PKD1L3: variants seen among roughly 807,000 people sequenced by gnomAD.
PKD1L3 encodes the protein polycystin 1 like 3, transient receptor potential channel interacting.
In PKD1L3, 239 loss-of-function variants were observed where a neutral mutation model predicts 184.1. The ratio of observed to expected loss-of-function variants is 1.30; its 90% CI spans 1.17 to 1.45. The LOEUF (loss-of-function observed/expected upper bound fraction) is 1.45. PKD1L3 is among the 40% of genes most tolerant of loss of function. PKD1L3 has a pLI of 0.00. For missense variants in PKD1L3, 2,660 were observed against 2,067.2 expected, an observed-to-expected ratio of 1.29 and a Z score of -5.56; for synonymous variants, 996 against 778.8, an observed-to-expected ratio of 1.28 and a Z score of -4.64.
intron 4 of PKD1L3, among the ~76,000 whole-genome samples, chr16:71,988,617 CTTTG>C (rs1159379791): frequency 6.6e-6 from 1 of 152,178 alleles, no homozygotes; most frequent in Non-Finnish European, 1.5e-5. Context: ...AGTCAAAAGC[CTTTG>C]TTGTCTTCTC....
intron 4 of PKD1L3, among the ~76,000 whole-genome samples, chr16:71,989,109 G>C (rs1023444539): frequency 1.3e-5 from 2 of 152,166 alleles, no homozygotes; most frequent in Non-Finnish European, 1.5e-5. Context: ...AAGGGCTAGT[G>C]GTTGTTGCTC....
intron 7 of PKD1L3, 138 bp downstream of exon 7, chr16:71,981,921 A>T (rs2143751832): frequency 1.1e-6 from 1 of 945,018 alleles, no homozygotes; most frequent in Non-Finnish European, 1.5e-6. Flanking sequence ...TGGAGAAGGC[A>T]TGGCAGAGGA....
intron 4 of PKD1L3, among the ~76,000 whole-genome samples, chr16:71,988,418 A>G (rs2040458471): frequency 6.6e-6 from 1 of 152,194 alleles, no homozygotes; most frequent in African/African-American, 2.4e-5. Context: ...TGGCCTCGAA[A>G]TCCTGGCCTC....
At chr16:71,935,570 C>G (rs748375944) in intron 25 of PKD1L3, 52 bp from the exon 26 acceptor site, 14 of 1,511,414 alleles carry the variant, frequency 9.3e-6, no homozygotes, top group Admixed American at 8.1e-5. Context: ...TTAGCTAGGT[C>G]TCTCCCTGCT....
rs148622199 is a variant in PKD1L3, at chr16:71,937,534, C to T, written c.4325-115G>A. On this transcript the variant is annotated intron_variant, in intron 24 of 29. Transcript: ENST00000620267. ...CCTGTATCATCAAATGTTTCTGAGTCTCAGTGCTCCACTTAGTATTTCCTT... is the reference window on the plus strand; with the variant it reads ...CCTGTATCATCAAATGTTTCTGAGTTTCAGTGCTCCACTTAGTATTTCCTT... The T allele has an allele frequency of 6.2e-5, 70 of 1,135,466 alleles. No homozygotes were observed. The East Asian group carries it at 1.1e-3, about 19-fold the overall frequency. The allele number at this position is 1,135,466 out of a possible 1,614,324, so 70.3% of individuals were successfully genotyped here. A position where few individuals can be genotyped will look rare whatever the true frequency, so the allele number is the denominator to read the frequency against.
At chr16:71,947,151 G>A (rs549242532) in intron 22 of PKD1L3, among the ~76,000 whole-genome samples, 3 of 152,110 alleles carry the variant, frequency 2.0e-5, no homozygotes, top group South Asian at 2.1e-4. Context: ...CCAGCTACTC[G>A]GAGGCTGAGA....
At chr16:71,976,292 G>T (rs1332383200) in intron 11 of PKD1L3, among the ~76,000 whole-genome samples, 1 of 18,010 alleles carries the variant, frequency 5.6e-5, no homozygotes, top group African/African-American at 1.9e-4. Context: ...AGACAGTCTT[G>T]CTCTGTAGCC....
At chr16:71,950,363 A>C in intron 19 of PKD1L3, 53 bp from the exon 20 acceptor site, 1 of 1,413,576 alleles carries the variant, frequency 7.1e-7, no homozygotes, top group Non-Finnish European at 9.6e-7. Flanking sequence ...AATAAGAAGC[A>C]ATTAGTGGTA....
At chr16:71,951,147 C>A (rs541383349) in intron 19 of PKD1L3, among the ~76,000 whole-genome samples, 3 of 152,020 alleles carry the variant, frequency 2.0e-5, no homozygotes, top group Non-Finnish European at 4.4e-5. Flanking sequence ...TCAAGCAATT[C>A]TCCTGCCTCA....
In PKD1L3 at chr16:71,950,103, G is replaced by C. The variant is rs1000672769; in HGVS notation, c.3383+15C>G. 3.2e-6 allele frequency: 5 copies of C among 1,549,934 alleles called. No homozygotes were observed. Among genetic ancestry groups the C allele is most frequent in the South Asian group, 1.2e-5 (1 of 83,970 alleles). The stretch of plus-strand genomic sequence containing the variant: ...AGATTACAGGGGATAAAGAAGGCTT[G>C]GTGTGGTGCATTACCTGGATGGCTC... On this transcript the variant is annotated intron_variant, in intron 20 of 29. Coordinates refer to ENST00000620267, the MANE Select transcript of PKD1L3 (RefSeq NM_181536.2).
rs934340611 is a variant in PKD1L3, at chr16:71,951,624, C to G, written c.3130G>C (p.Val1044Leu). Residue 1044 changes from valine to leucine, a missense_variant, in exon 19 of 30, where the codon GTA becomes CTA. Physicochemically the swap from Val to Leu is conservative, Grantham distance 32. Coordinates refer to ENST00000620267, the MANE Select transcript of PKD1L3 (RefSeq NM_181536.2). Reference protein sequence around the residue: ...TKLVKLLSSLVSSHLEGQGCH... With the variant: ...TKLVKLLSSLLSSHLEGQGCH... Reference sequence around the variant, plus strand: ...CCTTGACCCTCCAAGTGAGATGATACGAGGCTGGATAAAAGTTTCACCAGC... The same window carrying G: ...CCTTGACCCTCCAAGTGAGATGATAGGAGGCTGGATAAAAGTTTCACCAGC... The G allele has an allele frequency of 6.4e-7, 1 of 1,551,816 alleles. No homozygotes were observed. The highest frequency in any genetic ancestry group is 8.7e-7 in the Non-Finnish European group (1 of 1,147,014).
chr16:71,990,259 G>A, intron 4 of PKD1L3, 21 bp downstream of exon 4: 1 of 1,522,644 alleles, frequency 6.6e-7, no homozygotes, highest in Non-Finnish European at 8.9e-7. Flanking sequence ...CACAATGTAT[G>A]TTGTCAAGGG....
chr16:71,966,073 G>A (rs2039492140), intron 15 of PKD1L3, among the ~76,000 whole-genome samples: 1 of 151,922 alleles, frequency 6.6e-6, no homozygotes. Flanking sequence ...CCCAGTGGCT[G>A]GTATGTCTAG....
At chr16:71,963,011 G>C (rs959991471) in intron 16 of PKD1L3, among the ~76,000 whole-genome samples, 194 bp downstream of exon 16, 1 of 151,970 alleles carries the variant, frequency 6.6e-6, no homozygotes, top group Non-Finnish European at 1.5e-5. Context: ...TTTATACTTC[G>C]AATCTCTTTT....
chr16:71,978,282 T>G lies in PKD1L3; in HGVS notation c.1500A>C (p.Gln500His). ...CAATGTCCTCCATTAAATCATGGAC[T>G]TGGAGCAATTTACGATTAGCGCTTA... ...VLLSANRKLL[Q>H]VHDLMEDIEI... The change falls in exon 10 of 30, where the codon CAA (glutamine) becomes CAC (histidine). Residue 500 changes from glutamine (Q) to histidine (H), a missense_variant. Gln to His is a conservative substitution (Grantham distance 24). Transcript: ENST00000620267. The G allele has an allele frequency of 6.4e-7, 1 of 1,550,494 alleles. No individual in the cohort carries two copies. The highest frequency in any genetic ancestry group is 8.7e-7 in the Non-Finnish European group (1 of 1,146,198).
In PKD1L3 at chr16:71,959,406, G is replaced by A. The variant is rs148803360; in HGVS notation, c.2612+3799C>T. On this transcript the variant is annotated intron_variant, in intron 16 of 29. Transcript: ENST00000620267. The stretch of plus-strand genomic sequence containing the variant: ...GCCTGGGCAACAAGAGCAAAAATCC[G>A]TCTCAAAAACCAACCAACTAAACAA... Among the ~76,000 whole-genome samples, 45 of 152,052 alleles carry A rather than the reference G, an allele frequency of 3.0e-4. No individual in the cohort carries two copies. In the East Asian group the frequency reaches 3.9e-3, roughly 13 times the overall value.
Position 71,986,251 on chromosome 16 carries a change from T to TA in PKD1L3, c.803dup (p.Gln269ThrfsTer14). The TA allele has an allele frequency of 6.4e-7, 1 of 1,552,366 alleles. No individual in the cohort carries two copies. The highest frequency in any genetic ancestry group is 1.2e-5 in the South Asian group (1 of 84,052). Reference sequence around the variant, plus strand: ...CAGATGCCTTCTGCAATGACACTTGTAGATAAGAGGTGAAGGTATTCGGAT... The same window carrying TA: ...CAGATGCCTTCTGCAATGACACTTGTAAGATAAGAGGTGAAGGTATTCGGAT... On this transcript the variant is annotated frameshift_variant, in exon 5 of 30. Coordinates refer to ENST00000620267, the MANE Select transcript of PKD1L3 (RefSeq NM_181536.2). LOFTEE classifies it high-confidence loss of function.
At chr16:71,985,086 C>T (rs1224925144) in intron 5 of PKD1L3, among the ~76,000 whole-genome samples, 1 of 152,152 alleles carries the variant, frequency 6.6e-6, no homozygotes, top group Non-Finnish European at 1.5e-5. Flanking sequence ...CTAATTCAAC[C>T]ACATATTCAA....
intron 16 of PKD1L3, among the ~76,000 whole-genome samples, chr16:71,962,289 T>C (rs548737365): frequency 6.6e-6 from 1 of 152,230 alleles, no homozygotes; most frequent in East Asian, 1.9e-4. Context: ...AGAGCCGTAA[T>C]ATTGAACCAG....
Sources: gnomAD v4.1 joint callset for allele counts (sites outside exome capture counted in the v4.1 genomes callset) on GRCh38, gnomAD v4.1.1 for gene constraint, MANE v1.5 for transcripts, NCBI Gene and HGNC (gene_info 2026-07-23, HGNC 2026-07-21) for gene names.